BFSP1: variants seen among roughly 807,000 people sequenced by gnomAD.
BFSP1 encodes filensin.
In BFSP1, 38 loss-of-function variants were observed where a neutral mutation model predicts 43.9. The ratio of observed to expected loss-of-function variants is 0.87; its 90% CI spans 0.67 to 1.14. The LOEUF (loss-of-function observed/expected upper bound fraction) is 1.14. BFSP1 is among the 50% of genes most tolerant of loss of function. The pLI is 0.00. For missense variants in BFSP1, 850 were observed against 875.1 expected (o/e 0.97, Z 0.36); for synonymous variants, 352 against 354.8 (o/e 0.99, Z 0.09).
intron 5 of BFSP1, among the ~76,000 whole-genome samples, chr20:17,499,545 C>A (rs1233364268): frequency 6.6e-6 from 1 of 152,008 alleles, no homozygotes; most frequent in Non-Finnish European, 1.5e-5. Flanking sequence ...CCGCACCCAG[C>A]CCTTCTTGCA....
At chr20:17,568,653 G>A (rs1463994494) in intron 1 of BFSP1, among the ~76,000 whole-genome samples, 1 of 152,098 alleles carries the variant, frequency 6.6e-6, no homozygotes, top group Non-Finnish European at 1.5e-5. Flanking sequence ...CACTGCTCTA[G>A]CCCGCCAAAA....
chr20:17,508,305 CT>C (rs900958841), intron 5 of BFSP1, among the ~76,000 whole-genome samples: 2 of 152,148 alleles, frequency 1.3e-5, no homozygotes, highest in African/African-American at 4.8e-5. Flanking sequence ...CAGTTTGGGG[CT>C]TTTCTGTTTT....
intron 1 of BFSP1, among the ~76,000 whole-genome samples, chr20:17,551,232 G>A (rs1051761173): frequency 7.9e-5 from 12 of 152,158 alleles, no homozygotes; most frequent in South Asian, 2.1e-4. Flanking sequence ...GCATCTGCTC[G>A]GCTTCTGAGG....
At chr20:17,523,769 C>G (rs571242790) in intron 2 of BFSP1, among the ~76,000 whole-genome samples, 1 of 151,738 alleles carries the variant, frequency 6.6e-6, no homozygotes, top group Non-Finnish European at 1.5e-5. Context: ...TACGTGCTCA[C>G]GCGCAGAGGG....
upstream of BFSP1, among the ~76,000 whole-genome samples, chr20:17,536,079 C>T (rs2034624875): frequency 6.6e-6 from 1 of 152,038 alleles, no homozygotes; most frequent in Non-Finnish European, 1.5e-5. Flanking sequence ...CACCTGGCCC[C>T]ACCAAACAAT....
chr20:17,567,877 AG>A (rs1240115501), intron 1 of BFSP1, among the ~76,000 whole-genome samples: 1 of 151,170 alleles, frequency 6.6e-6, no homozygotes, highest in Non-Finnish European at 1.5e-5. Flanking sequence ...AAAAAAAAAA[AG>A]ATTTGAGAAG....
intron 1 of BFSP1, 58 bp from the exon 2 acceptor site, chr20:17,524,966 A>G: frequency 2.1e-6 from 3 of 1,431,988 alleles, no homozygotes; most frequent in Non-Finnish European, 3.0e-6. Flanking sequence ...ACATGTATGG[A>G]TCACATAATC....
rs754510507 is a variant in BFSP1 at position 17,524,863 on chromosome 20, A to C, written c.423T>G (p.Leu141=). The C allele has an allele frequency of 7.4e-6, 12 of 1,614,184 alleles. No individual in the cohort carries two copies. The highest frequency in any genetic ancestry group is 8.5e-6 in the Non-Finnish European group (10 of 1,179,988). ...TTCCGCTCACCTTGTTAAGCCGTTC[A>C]AGCATTTCTTTTAGCAGGAGTTGAC... ...CECQLLLKEM[L]ERLNKEADEA... Residue 141 remains leucine, a synonymous_variant, in exon 2 of 8, where the codon CTT becomes CTG. Transcript: ENST00000377873.
chr20:17,527,483 T>A (rs2034445469), intron 1 of BFSP1, among the ~76,000 whole-genome samples: 1 of 152,168 alleles, frequency 6.6e-6, no homozygotes, highest in Admixed American at 6.5e-5. Context: ...ATCCCAGCAC[T>A]TTAGGAGGCC....
chr20:17,553,112 C>G (rs765157917), intron 1 of BFSP1, among the ~76,000 whole-genome samples: 1 of 152,060 alleles, frequency 6.6e-6, no homozygotes, highest in Non-Finnish European at 1.5e-5. Flanking sequence ...CTGAAAAGGA[C>G]CAGATAGGTA....
upstream of BFSP1, among the ~76,000 whole-genome samples, chr20:17,559,755 A>C (rs2035050188): frequency 1.3e-5 from 2 of 152,146 alleles, no homozygotes; most frequent in Non-Finnish European, 2.9e-5. Context: ...GTGAGAATCT[A>C]ACTAATGCCA....
intron 7 of BFSP1, among the ~76,000 whole-genome samples, chr20:17,496,531 T>C (rs1357482123): frequency 2.6e-5 from 4 of 152,144 alleles, no homozygotes; most frequent in African/African-American, 9.7e-5. Flanking sequence ...TTTGATTCAA[T>C]GTGGGGAGGC....
chr20:17,554,610 A>G (rs1461259757), intron 1 of BFSP1, among the ~76,000 whole-genome samples: 2 of 152,220 alleles, frequency 1.3e-5, no homozygotes, highest in Non-Finnish European at 2.9e-5. Flanking sequence ...TTGACATATT[A>G]AAGGATATCT....
At chr20:17,502,168 C>A (rs2033819049) in intron 5 of BFSP1, among the ~76,000 whole-genome samples, 1 of 142,450 alleles carries the variant, frequency 7.0e-6, no homozygotes, top group Non-Finnish European at 1.6e-5. Context: ...TTATACCCTG[C>A]TCCTTTGGAA....
chr20:17,518,621 T>C (rs563780876), intron 2 of BFSP1, among the ~76,000 whole-genome samples: 27 of 152,268 alleles, frequency 1.8e-4, no homozygotes, highest in Non-Finnish European at 3.7e-4. Context: ...TGGGAAGCCC[T>C]TTCATAAGAG....
intron 1 of BFSP1, among the ~76,000 whole-genome samples, chr20:17,547,074 C>T (rs1175224301): frequency 2.1e-5 from 3 of 144,874 alleles, no homozygotes; most frequent in Non-Finnish European, 4.6e-5. Context: ...CAGAGCCAAA[C>T]AATGTCAACT....
rs2033558103 is a variant in BFSP1 at position 17,494,042 on chromosome 20, A to G, written c.*32T>C. The stretch of plus-strand genomic sequence containing the variant: ...AAAGCATTACCCCTACAGTGGCCCC[A>G]AATACATTTTATCCCATCAAGCCTG... On this transcript the variant is annotated 3_prime_UTR_variant, in exon 8 of 8. Transcript: ENST00000377873. The G allele has an allele frequency of 6.4e-7, 1 of 1,559,918 alleles. No individual in the cohort carries two copies. The highest frequency in any genetic ancestry group is 8.7e-7 in the Non-Finnish European group (1 of 1,146,026).
At chr20:17,497,472 G>T (rs1416672712) in intron 6 of BFSP1, among the ~76,000 whole-genome samples, 2 of 40,632 alleles carry the variant, frequency 4.9e-5, no homozygotes, top group African/African-American at 1.1e-4. Flanking sequence ...ACACACACAC[G>T]TATATATACG....
rs1296780837 is a variant in BFSP1 at position 17,495,012 on chromosome 20, G to A, written c.1060C>T (p.Gln354Ter). ...SGGKDLTRAL[Q>*]DITAAKPRQK... is the part of the protein sequence containing the mutation. ...CTTGGTTTTGCTGCTGTTATATCCT[G>A]CAGAGCTCTGGTAAGATCTGGAAAA... The change falls in exon 8 of 8, where the codon CAG (glutamine) becomes TAG (stop). Residue 354 changes from glutamine to a stop codon, truncating the protein, a stop_gained. Transcript: ENST00000377873. LOFTEE classifies it low-confidence loss of function (END_TRUNC). The A allele has an allele frequency of 6.2e-7, 1 of 1,612,038 alleles. No individual in the cohort carries two copies. Among genetic ancestry groups the A allele is most frequent in the African/African-American group, 1.3e-5 (1 of 74,680 alleles).
Sources: gnomAD v4.1 joint callset for allele counts (sites outside exome capture counted in the v4.1 genomes callset) on GRCh38, gnomAD v4.1.1 for gene constraint, MANE v1.5 for transcripts, NCBI Gene and HGNC (gene_info 2026-07-23, HGNC 2026-07-21) for gene names.